KLF12: variants seen among roughly 807,000 people sequenced by gnomAD.
KLF12 encodes Krueppel-like factor 12.
Under a neutral mutation model 37.8 loss-of-function variants are expected in KLF12, and 9 were observed. That is an observed-to-expected ratio of 0.24 (90% confidence interval 0.14 to 0.42). The LOEUF (loss-of-function observed/expected upper bound fraction) is 0.42. Among genes scored for constraint, KLF12 ranks in the 10% least tolerant of loss-of-function variants. The pLI, the probability that KLF12 is intolerant of heterozygous loss-of-function variation, is 1.00. For missense variants in KLF12, 411 were observed against 516.0 expected (o/e 0.80, Z 1.97); for synonymous variants, 208 against 202.1 (o/e 1.03, Z -0.25).
the KLF12 span, among the ~76,000 whole-genome samples, chr13:74,181,693 T>C: frequency 1.4e-5 from 2 of 142,382 alleles, no homozygotes; most frequent in Non-Finnish European, 3.0e-5. Flanking sequence ...CAGAGTGAGA[T>C]TCTGTCTGAA....
At chr13:73,997,898 T>G (rs911787307) in intron 1 of KLF12, among the ~76,000 whole-genome samples, 3 of 152,170 alleles carry the variant, frequency 2.0e-5, no homozygotes, top group Non-Finnish European at 4.4e-5. Context: ...TATTTTAAGA[T>G]TACTTTTAAA....
At chr13:73,735,044 T>C (rs1877348289) in intron 6 of KLF12, among the ~76,000 whole-genome samples, 3 of 151,714 alleles carry the variant, frequency 2.0e-5, no homozygotes, top group South Asian at 4.2e-4. Flanking sequence ...TCTCAGCATT[T>C]TGGGAGGCCA....
chr13:74,271,977 T>C, the KLF12 span, among the ~76,000 whole-genome samples: 562 of 152,336 alleles, frequency 3.7e-3, 5 homozygotes, highest in African/African-American at 0.013. Flanking sequence ...GTGACTTGTA[T>C]TTGCAATCTT....
the KLF12 span, among the ~76,000 whole-genome samples, chr13:74,168,846 G>A: frequency 6.6e-6 from 1 of 152,146 alleles, no homozygotes; most frequent in Admixed American, 6.5e-5. Context: ...GATGCCTTTG[G>A]GAAGAATCAA....
At chr13:73,816,533 T>C (rs926830891) in intron 4 of KLF12, among the ~76,000 whole-genome samples, 2 of 152,182 alleles carry the variant, frequency 1.3e-5, no homozygotes, top group Non-Finnish European at 2.9e-5. Flanking sequence ...GGGGAGAAAA[T>C]TTCAGAACCC....
the KLF12 span, among the ~76,000 whole-genome samples, chr13:74,170,766 T>C: frequency 6.6e-6 from 1 of 152,176 alleles, no homozygotes; most frequent in Admixed American, 6.5e-5. Flanking sequence ...CCTAGTACCT[T>C]ATTTTATTTT....
At chr13:74,302,824 A>C in the KLF12 span, among the ~76,000 whole-genome samples, 25 of 152,188 alleles carry the variant, frequency 1.6e-4, no homozygotes, top group East Asian at 4.8e-3. Context: ...AATTCTGCCA[A>C]AGGAGGTGGG....
At chr13:74,295,211 T>C in the KLF12 span, among the ~76,000 whole-genome samples, 81,846 of 152,006 alleles carry the variant, frequency 0.54, 27,213 homozygotes, top group Non-Finnish European at 0.74. Flanking sequence ...GTTCGATAGC[T>C]TAATTACTCC....
chr13:74,121,025 T>C (rs1788221784), intron 1 of KLF12, among the ~76,000 whole-genome samples: 2 of 152,110 alleles, frequency 1.3e-5, no homozygotes, highest in African/African-American at 4.8e-5. Context: ...ATACAAAAAG[T>C]ATTTTACATT....
chr13:74,146,469 G>T, the KLF12 span, among the ~76,000 whole-genome samples: 1 of 151,992 alleles, frequency 6.6e-6, no homozygotes, highest in African/African-American at 2.4e-5. Context: ...AAAACTCTAC[G>T]TAGACTGTTG....
At chr13:74,282,863 CT>C in the KLF12 span, among the ~76,000 whole-genome samples, 9 of 152,230 alleles carry the variant, frequency 5.9e-5, no homozygotes, top group South Asian at 4.1e-4. Context: ...GTTTCCCCCC[CT>C]GGTTATATAC....
chr13:73,935,310 C>G (rs967824507), intron 3 of KLF12, among the ~76,000 whole-genome samples: 1 of 151,966 alleles, frequency 6.6e-6, no homozygotes, highest in Non-Finnish European at 1.5e-5. Flanking sequence ...GTTTTTATTG[C>G]TACGTATTCA....
At chr13:74,270,241 A>T in the KLF12 span, among the ~76,000 whole-genome samples, 1 of 152,138 alleles carries the variant, frequency 6.6e-6, no homozygotes, top group Non-Finnish European at 1.5e-5. Flanking sequence ...GCAGACTCCT[A>T]GGTAATTTAT....
At chr13:74,262,122 A>G in the KLF12 span, among the ~76,000 whole-genome samples, 1 of 152,204 alleles carries the variant, frequency 6.6e-6, no homozygotes, top group Non-Finnish European at 1.5e-5. Flanking sequence ...TTGCAATAAG[A>G]CACAGGTAGA....
the KLF12 span, among the ~76,000 whole-genome samples, chr13:74,238,732 G>T: frequency 3.3e-5 from 5 of 151,478 alleles, no homozygotes; most frequent in Non-Finnish European, 5.9e-5. Flanking sequence ...TTGCATAGAG[G>T]TGTTTGTAGT....
At chr13:73,798,182 T>C (rs1428684647) in intron 5 of KLF12, among the ~76,000 whole-genome samples, 1 of 152,140 alleles carries the variant, frequency 6.6e-6, no homozygotes, top group East Asian at 1.9e-4. Flanking sequence ...AGACACCCTA[T>C]TCAATGAATG....
At chr13:74,134,501 C>T (rs547253650), upstream of KLF12, among the ~76,000 whole-genome samples, 2 of 151,668 alleles carry the variant, frequency 1.3e-5, no homozygotes, top group South Asian at 4.2e-4. Context: ...GCCCGGACCG[C>T]CGGGCTGGGT....
rs145017026 is a variant in KLF12, at chr13:74,007,527, G to A, written c.-31-12474C>T. Among the ~76,000 whole-genome samples, 162 of 152,040 alleles carry A rather than the reference G, an allele frequency of 1.1e-3. 1 individual carries two copies. Among genetic ancestry groups the A allele is most frequent in the African/African-American group, 3.2e-3 (132 of 41,460 alleles). On this transcript the variant is annotated intron_variant, in intron 1 of 7. Transcript: ENST00000377669. ...CCTGACCTCGTGATCCGCCCGCCTC[G>A]GCCTCCCAGTGTGCTGGGATTACAG...
chr13:73,890,490 A>T (rs1887451708), intron 3 of KLF12, among the ~76,000 whole-genome samples: 1 of 152,154 alleles, frequency 6.6e-6, no homozygotes, highest in African/African-American at 2.4e-5. Context: ...ATTTTCATAT[A>T]ATTTTAAACG....
Sources: allele counts gnomAD v4.1 joint callset (sites outside exome capture counted in the v4.1 genomes callset), GRCh38; gene constraint gnomAD v4.1.1; transcripts MANE v1.5; gene names NCBI Gene and HGNC (gene_info 2026-07-23, HGNC 2026-07-21).